The following STAG2 variants were observed in gnomAD, a reference collection of about 807,000 sequenced individuals.
The protein encoded by STAG2 is STAG2 cohesin complex component.
STAG2 carries 14 observed loss-of-function variants against 108.1 expected under a neutral mutation model. That is an observed-to-expected ratio of 0.13 (90% confidence interval 0.09 to 0.20). The LOEUF (loss-of-function observed/expected upper bound fraction) is 0.20. Ranked by LOEUF, STAG2 falls within the 10% of genes least tolerant of loss-of-function variation. The probability of loss-of-function intolerance (pLI) is 1.00; values close to 1 mark genes in which losing one functional copy is unlikely to be tolerated. For missense variants in STAG2, 440 were observed against 940.9 expected (o/e 0.47, Z 6.96); for synonymous variants, 307 against 302.7 (o/e 1.01, Z -0.15).
In STAG2 at chrX:124,030,981, G is replaced by A. The variant is rs927566661; in HGVS notation, c.144G>A (p.Lys48=). 4 of 1,196,568 alleles carry A rather than the reference G, an allele frequency of 3.3e-6. No homozygotes were observed. The highest frequency in any genetic ancestry group is 3.4e-6 in the Non-Finnish European group (3 of 890,939). ...GKGKTCKKGK[K]GPAEKGKGGN... is the part of the protein sequence containing the mutation. ...TGCAGACTTGTAAAAAAGGCAAAAA[G>A]GGCCCAGCAGAAAAGGGCAAAGGTG... Residue 48 remains lysine (K), a synonymous_variant, in exon 5 of 35, where the codon AAG becomes AAA. Transcript: ENST00000371145.
Position 123,975,744 on chromosome X carries a change from A to G in STAG2, c.-163+13888A>G, listed in dbSNP as rs769194688. 7.9e-4 allele frequency among the ~76,000 whole-genome samples: 89 copies of G among 112,395 alleles called. 1 individual carries two copies. The highest frequency in any genetic ancestry group is 2.8e-3 in the African/African-American group (87 of 31,023). ...CTCCCAAAGTGCTGGGATTACAGGC[A>G]TGAGCCACCATGCCCTGCGGAATAT... On this transcript the variant is annotated intron_variant, in intron 1 of 34. Coordinates refer to ENST00000371145, the MANE Select transcript of STAG2 (RefSeq NM_001042750.2).
At chrX:124,078,734 T>C (rs777153582) in intron 27 of STAG2, among the ~76,000 whole-genome samples, 3 of 110,855 alleles carry the variant, frequency 2.7e-5, no homozygotes, top group East Asian at 5.7e-4. Flanking sequence ...TTTGGGAGGC[T>C]GAGGTGGGTG....
intron 4 of STAG2, 106 bp downstream of exon 4, chrX:124,026,024 G>A (rs1238021846): frequency 3.7e-6 from 2 of 540,145 alleles, no homozygotes; most frequent in African/African-American, 2.4e-5. Context: ...GCTTTTTAAG[G>A]GGGTGGGAGC....
At chrX:124,006,583 T>C (rs914071823) in intron 1 of STAG2, among the ~76,000 whole-genome samples, 8 of 109,028 alleles carry the variant, frequency 7.3e-5, no homozygotes, top group African/African-American at 1.0e-4. Flanking sequence ...GGACTACAGG[T>C]GCCCACCACC....
At chrX:124,000,610 A>G (rs982609098) in intron 1 of STAG2, among the ~76,000 whole-genome samples, 9 of 111,653 alleles carry the variant, frequency 8.1e-5, no homozygotes, top group Non-Finnish European at 1.5e-4. Context: ...AGGGAGTTCA[A>G]GGTTGCAGTG....
At chrX:124,070,636 G>A (rs5911744) in intron 24 of STAG2, among the ~76,000 whole-genome samples, 4 of 111,014 alleles carry the variant, frequency 3.6e-5, no homozygotes, top group Non-Finnish European at 7.6e-5. Context: ...ATCAGTACAC[G>A]TGTGAACAAT....
chrX:123,999,917 G>GTT (rs1227997327), intron 1 of STAG2, among the ~76,000 whole-genome samples: 6 of 101,956 alleles, frequency 5.9e-5, no homozygotes, highest in South Asian at 4.3e-4. Flanking sequence ...CCCGGCCATA[G>GTT]TTTTTTTTTT....
chrX:123,969,964 T>G (rs1199146853), intron 1 of STAG2, among the ~76,000 whole-genome samples: 55 of 101,952 alleles, frequency 5.4e-4, no homozygotes, highest in Non-Finnish European at 9.0e-4. Context: ...TTTTTTTTTT[T>G]TTTTTTTTTT....
At chrX:123,966,977 C>T (rs921633861) in intron 1 of STAG2, among the ~76,000 whole-genome samples, 40 of 108,984 alleles carry the variant, frequency 3.7e-4, no homozygotes, top group African/African-American at 1.2e-3. Context: ...CTTTGCCTCC[C>T]GGGTTCAAGT....
Position 124,100,807 on chromosome X carries a change from A to G in STAG2, c.*210A>G, listed in dbSNP as rs1603208775. 1 of 290,335 alleles carries G rather than the reference A, an allele frequency of 3.4e-6. No individual in the cohort carries two copies. The highest frequency in any genetic ancestry group is 2.8e-5 in the African/African-American group (1 of 35,522). The allele number at this position is 290,335 out of a possible 1,213,427, so 23.9% of individuals were successfully genotyped here. Reference sequence around the variant, plus strand: ...AGTAAACAATTTGATGATAAGCTACAGTTTTTCTTAGAAAGTAAATATTTT... The same window carrying G: ...AGTAAACAATTTGATGATAAGCTACGGTTTTTCTTAGAAAGTAAATATTTT... On this transcript the variant is annotated 3_prime_UTR_variant, in exon 35 of 35. Coordinates refer to ENST00000371145, the MANE Select transcript of STAG2 (RefSeq NM_001042750.2).
At chrX:124,090,827 A>G (rs751831310) in intron 31 of STAG2, 27 bp from the exon 32 acceptor site, 2 of 1,202,037 alleles carry the variant, frequency 1.7e-6, no homozygotes, top group Non-Finnish European at 2.2e-6. Flanking sequence ...AAGTTAAGTT[A>G]AAAGAGGAAT....
intron 34 of STAG2, among the ~76,000 whole-genome samples, chrX:124,098,038 G>T (rs1483297032): frequency 9.2e-6 from 1 of 108,530 alleles, no homozygotes; most frequent in Non-Finnish European, 1.9e-5. Context: ...GTGTTCTTCA[G>T]ATTACTAAAA....
chrX:124,058,900 T>A (rs1181267574), intron 15 of STAG2, among the ~76,000 whole-genome samples: 1 of 112,624 alleles, frequency 8.9e-6, no homozygotes, highest in Admixed American at 9.4e-5. Context: ...TGGTTTTTTA[T>A]TCTTTAGGAT....
intron 5 of STAG2, among the ~76,000 whole-genome samples, chrX:124,033,717 G>T (rs748346483): frequency 1.3e-4 from 15 of 111,724 alleles, no homozygotes; most frequent in African/African-American, 3.3e-4. Flanking sequence ...AGCTGAGATC[G>T]CACCATTGCA....
At chrX:124,074,069 A>G (rs180864806) in intron 25 of STAG2, among the ~76,000 whole-genome samples, 1,165 of 111,808 alleles carry the variant, frequency 0.01, 9 homozygotes, top group Non-Finnish European at 0.016. Context: ...ACATTTTGCA[A>G]TTTACCTTTT....
chrX:124,066,170 T>TTA lies in STAG2; in HGVS notation c.2097-5_2097-4insTA. 1.1e-6 allele frequency: 1 copy of TTA among 924,065 alleles called. No homozygotes were observed. Among genetic ancestry groups the TTA allele is most frequent in the Non-Finnish European group, 1.4e-6 (1 of 700,231 alleles). The allele number at this position is 924,065 out of a possible 1,213,427, so 76.2% of individuals were successfully genotyped here. ...TTTTTTTTTTTTTTTTTTTTTTTTTTACAGTGCCCATGACCTTTCAAAGTG... is the reference window on the plus strand; with the variant it reads ...TTTTTTTTTTTTTTTTTTTTTTTTTTTAACAGTGCCCATGACCTTTCAAAGTG... On this transcript the variant is annotated splice_polypyrimidine_tract_variant and splice_region_variant and intron_variant, in intron 21 of 34. Coordinates refer to ENST00000371145, the MANE Select transcript of STAG2 (RefSeq NM_001042750.2).
intron 5 of STAG2, among the ~76,000 whole-genome samples, chrX:124,035,657 T>G (rs750222611): frequency 8.9e-6 from 1 of 112,204 alleles, no homozygotes; most frequent in Non-Finnish European, 1.9e-5. Context: ...CTATAATCAT[T>G]TGGAAGCTTC....
At chrX:124,056,037 CT>C in intron 13 of STAG2, 90 bp from the exon 14 acceptor site, 1 of 479,493 alleles carries the variant, frequency 2.1e-6, no homozygotes, top group South Asian at 7.5e-5. Context: ...AACTTTACAA[CT>C]TTTTAAAAGT....
At chrX:124,059,646 T>C (rs1307555480) in intron 15 of STAG2, among the ~76,000 whole-genome samples, 1 of 111,524 alleles carries the variant, frequency 9.0e-6, no homozygotes, top group Non-Finnish European at 1.9e-5. Context: ...TTTGCAAATA[T>C]TTTATTTTAT....
Sources: allele counts gnomAD v4.1 joint callset (sites outside exome capture counted in the v4.1 genomes callset), GRCh38; gene constraint gnomAD v4.1.1; transcripts MANE v1.5; gene names NCBI Gene and HGNC (gene_info 2026-07-23, HGNC 2026-07-21).